The following TAF1B variants were observed in gnomAD, a reference collection of about 807,000 sequenced individuals.
TAF1B encodes TATA box-binding protein-associated factor RNA polymerase I subunit B.
A neutral mutation model predicts 83.9 loss-of-function variants in TAF1B; 61 were observed. The observed-to-expected ratio is 0.73, with a 90% confidence interval of 0.59 to 0.90. The LOEUF is 0.90. Among genes scored for constraint, TAF1B ranks in the 40% least tolerant of loss-of-function variants. The pLI, the probability that TAF1B is intolerant of heterozygous loss-of-function variation, is 0.00. For missense variants in TAF1B, 625 were observed against 677.0 expected (o/e 0.92, Z 0.85); for synonymous variants, 221 against 224.6 (o/e 0.98, Z 0.14).
At chr2:9,911,796 T>C (rs1665541831) in intron 11 of TAF1B, among the ~76,000 whole-genome samples, 1 of 152,206 alleles carries the variant, frequency 6.6e-6, no homozygotes, top group Non-Finnish European at 1.5e-5. Context: ...TATTCCCAAC[T>C]TCTACTCACC....
At chr2:9,852,348 A>G (rs1156611895) in intron 4 of TAF1B, among the ~76,000 whole-genome samples, 1 of 152,232 alleles carries the variant, frequency 6.6e-6, no homozygotes, top group Non-Finnish European at 1.5e-5. Flanking sequence ...GAATGCTTTA[A>G]AAAGCCAGTT....
chr2:9,885,263 G>A (rs1344027456), intron 8 of TAF1B, among the ~76,000 whole-genome samples: 7 of 152,170 alleles, frequency 4.6e-5, no homozygotes, highest in Non-Finnish European at 1.0e-4. Context: ...ATGTAAAATT[G>A]GGATATCAGC....
In TAF1B at chr2:9,915,576, G is replaced by A. The variant is rs2125175902; in HGVS notation, c.1271+2327G>A. ...GGGAAATGCAAATTAAAACGACAATGACATATCATTATATACCAATTAGAA... is the reference window on the plus strand; with the variant it reads ...GGGAAATGCAAATTAAAACGACAATAACATATCATTATATACCAATTAGAA... On this transcript the variant is annotated intron_variant, in intron 12 of 14. Transcript: ENST00000263663. Among the ~76,000 whole-genome samples, 2 of 152,274 alleles carry A rather than the reference G, an allele frequency of 1.3e-5. 1 individual carries two copies. Among genetic ancestry groups the A allele is most frequent in the East Asian group, 3.9e-4 (2 of 5,184 alleles).
At chr2:9,883,012 A>G (rs1664560971) in intron 8 of TAF1B, among the ~76,000 whole-genome samples, 2 of 152,244 alleles carry the variant, frequency 1.3e-5, no homozygotes, top group African/African-American at 4.8e-5. Flanking sequence ...TCCTCAAAAT[A>G]TAGCTGTAGT....
At chr2:9,880,959 C>A (rs979978613) in intron 7 of TAF1B, among the ~76,000 whole-genome samples, 1 of 152,098 alleles carries the variant, frequency 6.6e-6, no homozygotes, top group African/African-American at 2.4e-5. Context: ...AAAAACTTAG[C>A]TGGGGAACCT....
chr2:9,853,489 A>G (rs963107781), intron 4 of TAF1B, among the ~76,000 whole-genome samples: 5 of 151,548 alleles, frequency 3.3e-5, no homozygotes, highest in African/African-American at 1.2e-4. Context: ...TCTTTTTCAG[A>G]CAGGGTCTTG....
chr2:9,863,697 G>A (rs1246371409), intron 5 of TAF1B, among the ~76,000 whole-genome samples: 1 of 152,166 alleles, frequency 6.6e-6, no homozygotes, highest in Non-Finnish European at 1.5e-5. Context: ...ATAGTTGGAA[G>A]TAAAGCACTC....
At position 9,853,884 on chromosome 2, in the gene TAF1B, T is replaced by G. The variant is rs73163617; in HGVS notation, c.304-442T>G. Reference sequence around the variant, plus strand: ...CTTTGTACTCTGATCCTTAATTTACTTAATATGCAGAAGAAAAGGACTCAA... The same window carrying G: ...CTTTGTACTCTGATCCTTAATTTACGTAATATGCAGAAGAAAAGGACTCAA... On this transcript the variant is annotated intron_variant, in intron 4 of 14. Transcript: ENST00000263663. Among the ~76,000 whole-genome samples the G allele has an allele frequency of 3.8e-3, 581 of 152,296 alleles. 5 individuals are homozygous for G. Among genetic ancestry groups the G allele is most frequent in the African/African-American group, 0.013 (542 of 41,552 alleles).
intron 8 of TAF1B, among the ~76,000 whole-genome samples, chr2:9,899,953 A>G (rs573642904): frequency 6.6e-6 from 1 of 152,252 alleles, no homozygotes; most frequent in Non-Finnish European, 1.5e-5. Context: ...GCTGCTTAAT[A>G]TGATGCATGA....
chr2:9,851,844 G>C, intron 4 of TAF1B: 1 of 646,210 alleles, frequency 1.5e-6, no homozygotes. Flanking sequence ...ACATCCAAAA[G>C]AAAAATTTAA....
At chr2:9,904,228 C>G (rs1317923983) in intron 8 of TAF1B, among the ~76,000 whole-genome samples, 1 of 152,032 alleles carries the variant, frequency 6.6e-6, no homozygotes, top group Non-Finnish European at 1.5e-5. Flanking sequence ...ACCCAGGTAA[C>G]AAGCACAGTA....
At chr2:9,870,999 C>T (rs1456428569) in intron 6 of TAF1B, among the ~76,000 whole-genome samples, 2 of 152,136 alleles carry the variant, frequency 1.3e-5, no homozygotes, top group Non-Finnish European at 2.9e-5. Context: ...GAAGAAGTCT[C>T]CCTGGAGCCT....
intron 12 of TAF1B, 60 bp from the exon 13 acceptor site, chr2:9,918,981 C>T: frequency 7.3e-7 from 1 of 1,378,172 alleles, no homozygotes. Context: ...GTGCTTCAGA[C>T]AATGTGTTTA....
At chr2:9,919,536 C>T (rs1309805587) in intron 13 of TAF1B, 62 bp from the exon 14 acceptor site, 4 of 1,435,000 alleles carry the variant, frequency 2.8e-6, no homozygotes, top group Non-Finnish European at 3.9e-6. Context: ...AAGTAAATTC[C>T]AGGCTTTATT....
intron 5 of TAF1B, among the ~76,000 whole-genome samples, chr2:9,858,873 C>T (rs948850836): frequency 6.6e-6 from 1 of 152,182 alleles, no homozygotes; most frequent in Non-Finnish European, 1.5e-5. Flanking sequence ...AACCATTTTT[C>T]CCTCCTAGGC....
At chr2:9,888,800 T>G (rs1415799812) in intron 8 of TAF1B, among the ~76,000 whole-genome samples, 16 of 141,718 alleles carry the variant, frequency 1.1e-4, no homozygotes, top group African/African-American at 3.8e-4. Context: ...GTTTTTTTTT[T>G]TTTTTTTTTT....
intron 8 of TAF1B, among the ~76,000 whole-genome samples, chr2:9,903,713 A>G (rs1665257967): frequency 6.6e-6 from 1 of 152,214 alleles, no homozygotes; most frequent in South Asian, 2.1e-4. Context: ...TTAGCTATGA[A>G]TTTGAAGAGT....
intron 6 of TAF1B, among the ~76,000 whole-genome samples, chr2:9,875,595 T>C (rs776658146): frequency 5.3e-5 from 8 of 152,066 alleles, no homozygotes; most frequent in Admixed American, 2.6e-4. Context: ...GCAGGGGAAC[T>C]ACCCTTTATA....
intron 5 of TAF1B, among the ~76,000 whole-genome samples, chr2:9,863,048 A>C (rs1490163409): frequency 1.3e-5 from 2 of 152,232 alleles, no homozygotes; most frequent in Non-Finnish European, 2.9e-5. Flanking sequence ...AACGAGCAAA[A>C]TAACCAGCTA....
Sources: allele counts gnomAD v4.1 joint callset (sites outside exome capture counted in the v4.1 genomes callset), GRCh38; gene constraint gnomAD v4.1.1; transcripts MANE v1.5; gene names NCBI Gene and HGNC (gene_info 2026-07-23, HGNC 2026-07-21).